C12orf56: variants seen among roughly 807,000 people sequenced by gnomAD.
The protein encoded by C12orf56 is chromosome 12 open reading frame 56, also known as uncharacterized protein C12orf56.
Under a neutral mutation model 69.9 loss-of-function variants are expected in C12orf56, and 71 were observed. That is an observed-to-expected ratio of 1.02 (90% CI 0.84 to 1.24). The LOEUF (loss-of-function observed/expected upper bound fraction) is 1.24, where lower values mean the gene tolerates loss of function less well. Ranked by LOEUF, C12orf56 falls within the 50% of genes most tolerant of loss-of-function variation. C12orf56 has a pLI of 0.00. For synonymous variants in C12orf56, 276 were observed against 274.1 expected (o/e 1.01, Z -0.07); for missense variants, 732 against 738.5 (o/e 0.99, Z 0.10).
Position 64,390,620 on chromosome 12 carries a change from T to C in C12orf56, c.-55A>G. The C allele has an allele frequency of 7.2e-7, 1 of 1,396,022 alleles. No individual in the cohort carries two copies. Among genetic ancestry groups the C allele is most frequent in the Non-Finnish European group, 9.2e-7 (1 of 1,083,544 alleles). 86.5% of individuals were successfully genotyped at this position (1,396,022 alleles called of 1,614,324 possible). On this transcript the variant is annotated 5_prime_UTR_variant, in exon 1 of 13. Coordinates refer to ENST00000543942, the MANE Select transcript of C12orf56 (RefSeq NM_001170633.2). ...GGGACTCGAGGCCCTCAGCTCGCCC[T>C]CTCCCCGCCCCCGCGCTGGAACCCG...
At chr12:64,356,961 T>C (rs1361476737) in intron 1 of C12orf56, among the ~76,000 whole-genome samples, 1 of 152,202 alleles carries the variant, frequency 6.6e-6, no homozygotes, top group Non-Finnish European at 1.5e-5. Context: ...CATGATTCTC[T>C]CTTAACCAAA....
In C12orf56 at chr12:64,382,603, G is replaced by A. The variant is rs146617934; in HGVS notation, c.252+7711C>T. Among the ~76,000 whole-genome samples, 1,100 of 152,042 alleles carry A rather than the reference G, an allele frequency of 7.2e-3. 20 individuals are homozygous for A. Among genetic ancestry groups the A allele is most frequent in the African/African-American group, 0.024 (1,007 of 41,448 alleles). On this transcript the variant is annotated intron_variant, in intron 1 of 12. Coordinates refer to ENST00000543942, the MANE Select transcript of C12orf56 (RefSeq NM_001170633.2). The stretch of plus-strand genomic sequence containing the variant: ...AAAATTATAACTGATGGCTGGGCAC[G>A]GTGGCTCACACCTGTAATCCCAGCA...
chr12:64,382,643 G>A (rs1049817388), intron 1 of C12orf56, among the ~76,000 whole-genome samples: 4 of 152,014 alleles, frequency 2.6e-5, no homozygotes, highest in Non-Finnish European at 5.9e-5. Context: ...AGGAGGCCGA[G>A]GTGGGTGGAT....
rs77334251 is a variant in C12orf56 at position 64,274,896 on chromosome 12, C to T, written c.1584+5G>A. 1,025 of 1,602,404 alleles carry T rather than the reference C, an allele frequency of 6.4e-4. 6 individuals carry two copies. In the African/African-American group the frequency reaches 0.013, roughly 20 times the overall value. ...GTGATTTCGTTTTGACTTCTAGATA[C>T]TTACGATGGGAGGACAGCTTTGTAG... On this transcript the variant is annotated splice_donor_5th_base_variant and intron_variant, in intron 11 of 12. Coordinates refer to ENST00000543942, the MANE Select transcript of C12orf56 (RefSeq NM_001170633.2).
Position 64,318,878 on chromosome 12 carries a change from T to C in C12orf56, c.591A>G (p.Leu197=). Residue 197 remains leucine (L), a synonymous_variant, in exon 4 of 13, where the codon CTA becomes CTG. Coordinates refer to ENST00000543942, the MANE Select transcript of C12orf56 (RefSeq NM_001170633.2). ...SLHGQGAFRP[L]PSPSRRSSQS... ...GAGAGCTCCTCCTGGAGGGGGAAGG[T>C]AGGGGTCGAAAGGCACCTTGGCCAT... The C allele has an allele frequency of 2.0e-6, 3 of 1,537,136 alleles. No homozygotes were observed. Among genetic ancestry groups the C allele is most frequent in the Non-Finnish European group, 2.6e-6 (3 of 1,146,872 alleles).
At chr12:64,369,290 C>T (rs2039538633) in intron 1 of C12orf56, among the ~76,000 whole-genome samples, 1 of 152,080 alleles carries the variant, frequency 6.6e-6, no homozygotes. Context: ...CTCTGCCTCC[C>T]GGGTTCAAAT....
chr12:64,286,023 T>C lies in C12orf56; in HGVS notation c.1151A>G (p.His384Arg), dbSNP rs759757293. 1.2e-6 allele frequency: 2 copies of C among 1,610,440 alleles called. No individual in the cohort carries two copies. Among genetic ancestry groups the C allele is most frequent in the Middle Eastern group, 1.7e-4 (1 of 6,042 alleles). The change falls in exon 7 of 13, where the codon CAT (histidine) becomes CGT (arginine). Residue 384 changes from histidine (H) to arginine (R), a missense_variant. Transcript: ENST00000543942. ...ATCCCTAGACTCCGGCAAGTACTCA[T>C]GAAGTTTGTTTACTATGAAATAGAA... ...DLFYFIVNKL[H>R]EYLPESRDKN...
At chr12:64,328,703 A>AGG (rs2038881748) in intron 3 of C12orf56, among the ~76,000 whole-genome samples, 1 of 20,622 alleles carries the variant, frequency 4.8e-5, no homozygotes, top group Non-Finnish European at 9.1e-5. Context: ...AAAAAAAAAA[A>AGG]AAAATATATA....
intron 1 of C12orf56, among the ~76,000 whole-genome samples, chr12:64,384,484 G>A (rs2039761374): frequency 6.6e-6 from 1 of 152,206 alleles, no homozygotes; most frequent in Non-Finnish European, 1.5e-5. Flanking sequence ...GATTAAAAAT[G>A]TGATTATTTC....
chr12:64,368,793 G>T (rs955332469), intron 1 of C12orf56, among the ~76,000 whole-genome samples: 1 of 152,116 alleles, frequency 6.6e-6, no homozygotes, highest in Admixed American at 6.6e-5. Flanking sequence ...TTCTAGTGTG[G>T]CCTCCACTAC....
Position 64,274,974 on chromosome 12 carries a change from C to A in C12orf56, c.1511G>T (p.Gly504Val). 6.2e-7 allele frequency: 1 copy of A among 1,607,088 alleles called. No homozygotes were observed. Among genetic ancestry groups the A allele is most frequent in the South Asian group, 1.1e-5 (1 of 90,900 alleles). ...LYEILLVFQQ[G>V]NLGLGSTKFA... ...CTTTGTGGATCCCAATCCGAGATTT[C>A]CCTAAAAGACTCAAGGAAATAAACA... Residue 504 changes from glycine to valine, a missense_variant and splice_region_variant, in exon 11 of 13, where the codon GGA becomes GTA. Physicochemically the swap from Gly to Val is moderately radical, Grantham distance 109 (BLOSUM62 -3). Coordinates refer to ENST00000543942, the MANE Select transcript of C12orf56 (RefSeq NM_001170633.2).
intron 2 of C12orf56, chr12:64,338,469 A>G: frequency 1.1e-6 from 1 of 903,750 alleles, no homozygotes; most frequent in Non-Finnish European, 1.9e-6. Flanking sequence ...GGGAAATCTT[A>G]TTTCCTGCAA....
chr12:64,377,039 T>C (rs2039651211), intron 1 of C12orf56, among the ~76,000 whole-genome samples: 2 of 152,168 alleles, frequency 1.3e-5, no homozygotes, highest in African/African-American at 4.8e-5. Context: ...TTTTTGACTT[T>C]TTAATAATCA....
chr12:64,353,400 G>T (rs568960547), intron 1 of C12orf56, among the ~76,000 whole-genome samples: 1 of 151,382 alleles, frequency 6.6e-6, no homozygotes, highest in East Asian at 1.9e-4. Flanking sequence ...TTAAGTGATC[G>T]CCCACCTCGG....
At chr12:64,370,590 G>T (rs2039557557) in intron 1 of C12orf56, among the ~76,000 whole-genome samples, 2 of 152,084 alleles carry the variant, frequency 1.3e-5, no homozygotes, top group Admixed American at 1.3e-4. Flanking sequence ...GGCAGAGGTT[G>T]CAGTGAGCTG....
At chr12:64,284,542 G>T in intron 8 of C12orf56, 122 bp downstream of exon 8, 1 of 618,006 alleles carries the variant, frequency 1.6e-6, no homozygotes, top group South Asian at 3.0e-5. Context: ...ACAAAAGAGT[G>T]AAATATACTT....
At chr12:64,385,638 A>G (rs1400062692) in intron 1 of C12orf56, among the ~76,000 whole-genome samples, 1 of 151,930 alleles carries the variant, frequency 6.6e-6, no homozygotes, top group Non-Finnish European at 1.5e-5. Context: ...CCAGGAACTG[A>G]CTCAGTACAA....
chr12:64,307,439 G>A (rs1865795), intron 5 of C12orf56, among the ~76,000 whole-genome samples: 2 of 132,630 alleles, frequency 1.5e-5, no homozygotes, highest in Non-Finnish European at 3.1e-5. Context: ...GCACAATCTC[G>A]GCTCACTGCA....
At chr12:64,334,748 A>G (rs2038971586) in intron 2 of C12orf56, among the ~76,000 whole-genome samples, 1 of 152,170 alleles carries the variant, frequency 6.6e-6, no homozygotes, top group Non-Finnish European at 1.5e-5. Flanking sequence ...TTGTGGTATT[A>G]CTAAACTTTG....
Sources: allele counts gnomAD v4.1 joint callset (sites outside exome capture counted in the v4.1 genomes callset), GRCh38; gene constraint gnomAD v4.1.1; transcripts MANE v1.5; gene names NCBI Gene and HGNC (gene_info 2026-07-23, HGNC 2026-07-21).